The following STRN4 variants were observed in gnomAD, a reference collection of about 807,000 sequenced individuals.
STRN4 encodes striatin 4, also known as striatin-4.
A neutral mutation model predicts 77.9 loss-of-function variants in STRN4; 27 were observed. That is an observed-to-expected ratio of 0.35 (90% CI 0.26 to 0.48). The LOEUF (loss-of-function observed/expected upper bound fraction) is 0.48. Among genes scored for constraint, STRN4 ranks in the 20% least tolerant of loss-of-function variants. The pLI is 0.99. For missense variants in STRN4, 798 were observed against 1,049.7 expected, an observed-to-expected ratio of 0.76 and a Z score of 3.31; for synonymous variants, 466 against 443.1, an observed-to-expected ratio of 1.05 and a Z score of -0.65.
Position 46,723,075 on chromosome 19 carries a change from C to G in STRN4, c.1765+39G>C. 2 of 1,560,902 alleles carry G rather than the reference C, an allele frequency of 1.3e-6. No individual in the cohort carries two copies. Among genetic ancestry groups the G allele is most frequent in the Middle Eastern group, 1.7e-4 (1 of 5,968 alleles). On this transcript the variant is annotated intron_variant, in intron 13 of 17. Transcript: ENST00000263280. This position sits in a 1 kb window ranked among gnomAD's most constrained non-coding sequence, Gnocchi z 5.5. ...AACCACTCTGATAGCCTCCAGATCC[C>G]GCACAGCTCCAGGGTGAGGCACCGG...
At position 46,727,676 on chromosome 19, in the gene STRN4, AGAT is replaced by A. The variant is rs914449651; in HGVS notation, c.1154-133_1154-131del. 3.7e-6 allele frequency: 3 copies of A among 805,068 alleles called. No homozygotes were observed. In the African/African-American group the frequency reaches 5.2e-5, roughly 14 times the overall value. 49.9% of individuals were successfully genotyped at this position (805,068 alleles called of 1,614,324 possible). A position where few individuals can be genotyped will look rare whatever the true frequency, so the allele number is the denominator to read the frequency against. On this transcript the variant is annotated intron_variant, in intron 8 of 17. Transcript: ENST00000263280. ...AAGAGAGAGAGACGGGGAGAGGACA[AGAT>A]GAAGAATCACAGCTGGAAAGAGACA...
rs894680112 is a variant in STRN4 at position 46,743,475 on chromosome 19, G to C, written c.282+2674C>G. ...GTGCTGTGCGGTGCACTGGTGCAAA[G>C]TCCCAGAGGCCAAGATTCAGTCCAA... On this transcript the variant is annotated intron_variant, in intron 1 of 17. Coordinates refer to ENST00000263280, the MANE Select transcript of STRN4 (RefSeq NM_013403.3). Among the ~76,000 whole-genome samples, 4 of 152,220 alleles carry C rather than the reference G, an allele frequency of 2.6e-5. No individual in the cohort carries two copies. The East Asian group carries it at 7.7e-4, about 29-fold the overall frequency.
intron 6 of STRN4, among the ~76,000 whole-genome samples, chr19:46,729,571 G>A (rs1194148210): frequency 6.6e-6 from 1 of 152,208 alleles, no homozygotes; most frequent in Non-Finnish European, 1.5e-5. Flanking sequence ...GGGAAGGGGA[G>A]GGTTTAGACA....
rs1378177719 is a variant in STRN4 at position 46,724,795 on chromosome 19, CGTT to C, written c.1594+9_1594+11del. On this transcript the variant is annotated intron_variant, in intron 12 of 17. Transcript: ENST00000263280. ...GTGGATGTGAGGGGAAGGCGGGAGG[CGTT>C]GTCCTCACCGTAGCCATCATAGGGA... The C allele has an allele frequency of 5.0e-6, 8 of 1,613,724 alleles. No individual in the cohort carries two copies. Among genetic ancestry groups the C allele is most frequent in the Admixed American group, 1.7e-5 (1 of 59,996 alleles).
Position 46,728,645 on chromosome 19 carries a change from T to A in STRN4, c.1012A>T (p.Thr338Ser), listed in dbSNP as rs754835682. The A allele has an allele frequency of 1.2e-6, 2 of 1,613,918 alleles. No homozygotes were observed. The highest frequency in any genetic ancestry group is 1.7e-5 in the Admixed American group (1 of 60,030). Reference protein sequence around the residue: ...GEGAPDPRRCTVDGSPHELES... With the variant: ...GEGAPDPRRCSVDGSPHELES... ...AGCTCATGGGGGCTCCCATCCACAG[T>A]GCACCGCCGAGGGTCTGGAGCCCCT... The change falls in exon 7 of 18, where the codon ACT (threonine) becomes TCT (serine). Residue 338 changes from threonine (T) to serine (S), a missense_variant. Transcript: ENST00000263280.
chr19:46,746,422 C>T lies in STRN4; in HGVS notation c.9G>A (p.Glu3=). MM[E]ERAAAAVAAA... ...CGGCGACCGCGGCGGCCGCTCGCTC[C>T]TCCATCATGGAGGCCCCGGGGCCGG... The change falls in exon 1 of 18, where the codon GAG becomes GAA. Residue 3 remains glutamate (E), a synonymous_variant. Transcript: ENST00000263280. 3 of 1,033,124 alleles carry T rather than the reference C, an allele frequency of 2.9e-6. No individual in the cohort carries two copies. Among genetic ancestry groups the T allele is most frequent in the Non-Finnish European group, 3.5e-6 (3 of 863,810 alleles). The allele number at this position is 1,033,124 out of a possible 1,614,324, so 64.0% of individuals were successfully genotyped here.
chr19:46,741,586 G>A lies in STRN4; in HGVS notation c.283-2698C>T, dbSNP rs925557709. Reference sequence around the variant, plus strand: ...GAGGGCCAAGGTAGGCCTGAGGGTCGGTCGGGGATCTGGAAGTGCCGCTCA... The same window carrying A: ...GAGGGCCAAGGTAGGCCTGAGGGTCAGTCGGGGATCTGGAAGTGCCGCTCA... On this transcript the variant is annotated intron_variant, in intron 1 of 17. Coordinates refer to ENST00000263280, the MANE Select transcript of STRN4 (RefSeq NM_013403.3). The surrounding 1 kb of genome is among the most constrained non-coding windows in gnomAD (Gnocchi z 4.9). Among the ~76,000 whole-genome samples the A allele has an allele frequency of 1.3e-5, 2 of 152,166 alleles. No homozygotes were observed. Among genetic ancestry groups the A allele is most frequent in the Admixed American group, 6.5e-5 (1 of 15,274 alleles).
chr19:46,746,439 C>A lies in STRN4; in HGVS notation c.-9G>T, dbSNP rs1365379740. ...GCTCGCTCCTCCATCATGGAGGCCC[C>A]GGGGCCGGCCTGCGCGCCCGCTGTG... On this transcript the variant is annotated 5_prime_UTR_variant, in exon 1 of 18. Transcript: ENST00000263280. 3 of 1,008,466 alleles carry A rather than the reference C, an allele frequency of 3.0e-6. No individual in the cohort carries two copies. Among genetic ancestry groups the A allele is most frequent in the East Asian group, 2.0e-4 (2 of 9,842 alleles). The allele number at this position is 1,008,466 out of a possible 1,614,324, so 62.5% of individuals were successfully genotyped here.
Position 46,733,339 on chromosome 19 carries a change from A to G in STRN4, c.540-103T>C. The G allele has an allele frequency of 9.0e-7, 1 of 1,107,152 alleles. No individual in the cohort carries two copies. The highest frequency in any genetic ancestry group is 1.3e-6 in the Non-Finnish European group (1 of 774,656). 68.6% of individuals were successfully genotyped at this position (1,107,152 alleles called of 1,614,324 possible). A position where few individuals can be genotyped will look rare whatever the true frequency, so the allele number is the denominator to read the frequency against. ...ACAACCTCTTAAGGGGCCACTTAAGAGCATACACCAAAATCTGACATAAGC... is the reference window on the plus strand; with the variant it reads ...ACAACCTCTTAAGGGGCCACTTAAGGGCATACACCAAAATCTGACATAAGC... On this transcript the variant is annotated intron_variant, in intron 4 of 17. Transcript: ENST00000263280. The surrounding 1 kb of genome is among the most constrained non-coding windows in gnomAD (Gnocchi z 4.3).
In STRN4 at chr19:46,723,871, C is replaced by T. The variant is rs1449367620; in HGVS notation, c.1595-587G>A. 1.3e-5 allele frequency among the ~76,000 whole-genome samples: 2 copies of T among 152,172 alleles called. No homozygotes were observed. The highest frequency in any genetic ancestry group is 2.4e-5 in the African/African-American group (1 of 41,440). ...GACCTTGTGCAGGTGAGCCTGTTCT[C>T]TAAAGTCTGTCCTCCCCTTGAGAGG... On this transcript the variant is annotated intron_variant, in intron 12 of 17. Coordinates refer to ENST00000263280, the MANE Select transcript of STRN4 (RefSeq NM_013403.3). The surrounding 1 kb of genome is among the most constrained non-coding windows in gnomAD (Gnocchi z 5.5).
chr19:46,730,331 C>T (rs970509428), intron 6 of STRN4, among the ~76,000 whole-genome samples: 1 of 152,148 alleles, frequency 6.6e-6, no homozygotes, highest in African/African-American at 2.4e-5. Flanking sequence ...CAGGGAGGAC[C>T]CCAGAGTGGC....
intron 1 of STRN4, among the ~76,000 whole-genome samples, chr19:46,743,871 C>A (rs2054518494): frequency 6.7e-6 from 1 of 150,158 alleles, no homozygotes; most frequent in Non-Finnish European, 1.5e-5. Context: ...CCACTGCACT[C>A]CACCCTGGGT....
At chr19:46,732,411 T>TC (rs2054274265) in intron 5 of STRN4, 1 of 152,990 alleles carries the variant, frequency 6.5e-6, no homozygotes, top group Non-Finnish European at 1.5e-5. Context: ...AGCCCACGCC[T>TC]CACTGCCTGC....
At chr19:46,725,161 T>G (rs2054078944) in intron 11 of STRN4, among the ~76,000 whole-genome samples, 171 bp downstream of exon 11, 1 of 151,086 alleles carries the variant, frequency 6.6e-6, no homozygotes, top group African/African-American at 2.4e-5. Context: ...CATGTGAAAG[T>G]CAGCATGGAG....
At position 46,741,122 on chromosome 19, in the gene STRN4, G is replaced by A. The variant is rs886362740; in HGVS notation, c.283-2234C>T. Among the ~76,000 whole-genome samples, 1 of 152,190 alleles carries A rather than the reference G, an allele frequency of 6.6e-6. No homozygotes were observed. Among genetic ancestry groups the A allele is most frequent in the African/African-American group, 2.4e-5 (1 of 41,444 alleles). On this transcript the variant is annotated intron_variant, in intron 1 of 17. Transcript: ENST00000263280. This position sits in a 1 kb window ranked among gnomAD's most constrained non-coding sequence, Gnocchi z 4.9. Reference sequence around the variant, plus strand: ...AGAACTGACTGGAGGGAGTTCTGGAGGGAGACTAGAGGGAGGGAGCAGGAG... The same window carrying A: ...AGAACTGACTGGAGGGAGTTCTGGAAGGAGACTAGAGGGAGGGAGCAGGAG...
intron 8 of STRN4, 75 bp downstream of exon 8, chr19:46,727,819 G>A: frequency 7.5e-7 from 1 of 1,340,356 alleles, no homozygotes; most frequent in Non-Finnish European, 1.0e-6. Context: ...AGACACAGAA[G>A]CCCTGGGCTC....
chr19:46,728,031 G>C, intron 7 of STRN4, 24 bp from the exon 8 acceptor site: 1 of 1,605,942 alleles, frequency 6.2e-7, no homozygotes, highest in African/African-American at 1.3e-5. Flanking sequence ...GCATAGGGCC[G>C]GAGTCACCCA....
rs912806152 is a variant in STRN4 at position 46,738,966 on chromosome 19, A to T, written c.283-78T>A. The T allele has an allele frequency of 1.7e-5, 21 of 1,253,850 alleles. No homozygotes were observed. The East Asian group carries it at 4.9e-4, about 29-fold the overall frequency. 77.7% of individuals were successfully genotyped at this position (1,253,850 alleles called of 1,614,324 possible). On this transcript the variant is annotated intron_variant, in intron 1 of 17. Transcript: ENST00000263280. This position sits in a 1 kb window ranked among gnomAD's most constrained non-coding sequence, Gnocchi z 4.5. ...CGGTGTGTCTATCACTCACCCAGGT[A>T]TAGTGCCAGCCCACAGTCACCCCAC...
chr19:46,746,134 CG>C lies in STRN4; in HGVS notation c.282+14del. On this transcript the variant is annotated intron_variant, in intron 1 of 17. Transcript: ENST00000263280. ...GGGCCGGGTTGGGGGTCGGGGGTCC[CG>C]GGACAGCGCTCACCTGTAACTCGGC... 1 of 1,494,258 alleles carries C rather than the reference CG, an allele frequency of 6.7e-7. No individual in the cohort carries two copies. Among genetic ancestry groups the C allele is most frequent in the African/African-American group, 1.5e-5 (1 of 68,804 alleles). The allele number at this position is 1,494,258 out of a possible 1,614,324, so 92.6% of individuals were successfully genotyped here.
Sources: allele counts gnomAD v4.1 joint callset (sites outside exome capture counted in the v4.1 genomes callset), GRCh38; gene constraint gnomAD v4.1.1; non-coding constraint Gnocchi (gnomAD v3.1); transcripts MANE v1.5; gene names NCBI Gene and HGNC (gene_info 2026-07-23, HGNC 2026-07-21).